The following DNTT variants were observed in gnomAD, a reference collection of about 807,000 sequenced individuals.
The protein encoded by DNTT is nucleosidetriphosphate:DNA deoxynucleotidylexotransferase.
In DNTT, 47 loss-of-function variants were observed where a neutral mutation model predicts 60.9. The ratio of observed to expected loss-of-function variants is 0.77; its 90% CI spans 0.61 to 0.98. The LOEUF (loss-of-function observed/expected upper bound fraction) is 0.98. Among genes scored for constraint, DNTT ranks in the 50% least tolerant of loss-of-function variants. DNTT has a pLI of 0.00. For synonymous variants in DNTT, 224 were observed against 221.2 expected (o/e 1.01, Z -0.11); for missense variants, 665 against 627.5 (o/e 1.06, Z -0.64).
At chr10:96,319,751 T>C (rs963194344) in intron 3 of DNTT, among the ~76,000 whole-genome samples, 2 of 152,216 alleles carry the variant, frequency 1.3e-5, no homozygotes, top group Admixed American at 6.5e-5. Context: ...ATGGTAACAA[T>C]ACATCAACAG....
intron 9 of DNTT, among the ~76,000 whole-genome samples, chr10:96,334,595 CTT>C (rs1463630309): frequency 1.3e-5 from 2 of 152,128 alleles, no homozygotes. Context: ...TGTCAGGTGT[CTT>C]TGCTTTGGAC....
intron 5 of DNTT, among the ~76,000 whole-genome samples, chr10:96,323,536 TCACTCATGG>T (rs1368846821): frequency 4.6e-5 from 7 of 152,076 alleles, no homozygotes; most frequent in Non-Finnish European, 8.8e-5. Flanking sequence ...CAAGAGTCTG[TCACTCATGG>T]GTACAAACAT....
chr10:96,312,183 G>T (rs1403095567), intron 1 of DNTT, among the ~76,000 whole-genome samples: 1 of 152,166 alleles, frequency 6.6e-6, no homozygotes, highest in Non-Finnish European at 1.5e-5. Context: ...AGGCTCGAGT[G>T]GGAGTCAAAT....
chr10:96,331,855 G>C (rs775986832), intron 8 of DNTT, among the ~76,000 whole-genome samples: 22 of 152,138 alleles, frequency 1.4e-4, no homozygotes, highest in Non-Finnish European at 3.1e-4. Context: ...ACAGCTTACT[G>C]AAGCCTCAAC....
chr10:96,325,834 A>G (rs2133991584), intron 6 of DNTT, among the ~76,000 whole-genome samples: 1 of 152,308 alleles, frequency 6.6e-6, no homozygotes, highest in African/African-American at 2.4e-5. Context: ...TATTGAAAGG[A>G]CAGTTCATGG....
At chr10:96,319,183 C>A in intron 2 of DNTT, 79 bp from the exon 3 acceptor site, 1 of 1,506,840 alleles carries the variant, frequency 6.6e-7, no homozygotes, top group South Asian at 1.4e-5. Flanking sequence ...CTACAGACAA[C>A]TACTTCCAAA....
intron 8 of DNTT, among the ~76,000 whole-genome samples, chr10:96,329,226 A>C (rs1054418790): frequency 1.3e-5 from 2 of 152,198 alleles, no homozygotes; most frequent in African/African-American, 4.8e-5. Context: ...TCAGTCTAAG[A>C]GGTGTTGATA....
At chr10:96,330,622 T>C (rs1844996461) in intron 8 of DNTT, among the ~76,000 whole-genome samples, 1 of 152,164 alleles carries the variant, frequency 6.6e-6, no homozygotes, top group African/African-American at 2.4e-5. Flanking sequence ...GTTCCCTCTA[T>C]TGAGGTCAAC....
chr10:96,328,971 A>T, intron 8 of DNTT, 141 bp downstream of exon 8: 1 of 811,044 alleles, frequency 1.2e-6, no homozygotes, highest in Non-Finnish European at 1.9e-6. Context: ...AAGCCATATG[A>T]CCTACAATAA....
At position 96,338,505 on chromosome 10, in the gene DNTT, C is replaced by A. The variant is rs1011993172; in HGVS notation, c.*281C>A. 2 of 259,598 alleles carry A rather than the reference C, an allele frequency of 7.7e-6. No individual in the cohort carries two copies. The highest frequency in any genetic ancestry group is 9.8e-5 in the Admixed American group (2 of 20,310). The allele number at this position is 259,598 out of a possible 1,614,324, so 16.1% of individuals were successfully genotyped here. A position where few individuals can be genotyped will look rare whatever the true frequency, so the allele number is the denominator to read the frequency against. ...TCATTCAGGGAAGCTCATCAAAGCC[C>A]ACTTTGTTCGCAGTGTAGCTGAAAT... On this transcript the variant is annotated 3_prime_UTR_variant, in exon 11 of 11. Coordinates refer to ENST00000371174, the MANE Select transcript of DNTT (RefSeq NM_004088.4).
chr10:96,321,752 T>A (rs1844883201), intron 4 of DNTT, among the ~76,000 whole-genome samples: 1 of 152,158 alleles, frequency 6.6e-6, no homozygotes, highest in East Asian at 1.9e-4. Context: ...GACCATCACC[T>A]GATGGTCGCC....
chr10:96,306,698 G>A (rs1231333670), intron 1 of DNTT: 1 of 152,248 alleles, frequency 6.6e-6, no homozygotes, highest in Non-Finnish European at 1.5e-5. Context: ...CAGGGACCAA[G>A]CCCAGCTGCT....
In DNTT at chr10:96,307,699, GTGTGTGTA is replaced by G. The variant is rs201015260; in HGVS notation, c.203+3001_203+3008del. ...AGCATATATATATGTATGTGTGTGTGTGTGTGTATATATATATATATATATATATATAT... is the reference window on the plus strand; with the variant it reads ...AGCATATATATATGTATGTGTGTGTGTATATATATATATATATATATATAT... On this transcript the variant is annotated intron_variant, in intron 1 of 10. Coordinates refer to ENST00000371174, the MANE Select transcript of DNTT (RefSeq NM_004088.4). 3.5e-4 allele frequency among the ~76,000 whole-genome samples: 24 copies of G among 68,906 alleles called. No individual in the cohort carries two copies. In the South Asian group the frequency reaches 7.0e-3, roughly 20 times the overall value. 45.2% of individuals were successfully genotyped at this position (68,906 alleles called of 152,430 possible). A position where few individuals can be genotyped will look rare whatever the true frequency, so the allele number is the denominator to read the frequency against.
In DNTT at chr10:96,338,206, G is replaced by A. The variant is rs373031210; in HGVS notation, c.1512G>A (p.Pro504=). The A allele has an allele frequency of 1.6e-5, 25 of 1,611,284 alleles. No homozygotes were observed. The highest frequency in any genetic ancestry group is 2.0e-5 in the Non-Finnish European group (24 of 1,179,292). The stretch of plus-strand genomic sequence containing the variant: ...ATCTGGGATTGGATTATATTGAACC[G>A]TGGGAAAGAAATGCCTAGGAAAGTG... The part of the protein sequence containing the change: ...FAHLGLDYIE[P]WERNA Residue 504 remains proline (P), a synonymous_variant, in exon 11 of 11, where the codon CCG becomes CCA. Transcript: ENST00000371174.
chr10:96,326,541 T>G (rs956782205), intron 6 of DNTT, among the ~76,000 whole-genome samples: 2 of 152,068 alleles, frequency 1.3e-5, no homozygotes, highest in Non-Finnish European at 2.9e-5. Context: ...CCTTCCACAA[T>G]CCCAGGGTGA....
Position 96,324,427 on chromosome 10 carries a change from C to G in DNTT, c.874+38C>G, listed in dbSNP as rs370574541. 43 of 1,610,224 alleles carry G rather than the reference C, an allele frequency of 2.7e-5. No homozygotes were observed. In the African/African-American group the frequency reaches 4.5e-4, roughly 17 times the overall value. ...TCCTAAAAGTCATTGTTGCTATGGG[C>G]TGGTCGGGTCGTGGTGGAGCTCTAA... is the stretch of plus-strand genomic sequence containing the variant. On this transcript the variant is annotated intron_variant, in intron 6 of 10. Transcript: ENST00000371174.
At chr10:96,335,755 G>A (rs1295878797) in intron 9 of DNTT, 136 bp from the exon 10 acceptor site, 2 of 923,916 alleles carry the variant, frequency 2.2e-6, no homozygotes, top group Middle Eastern at 3.2e-4. Context: ...TGTCACCAGA[G>A]AATTTGGCCC....
intron 3 of DNTT, among the ~76,000 whole-genome samples, chr10:96,319,864 TC>T (rs1187965236): frequency 6.6e-6 from 1 of 152,216 alleles, no homozygotes; most frequent in Non-Finnish European, 1.5e-5. Context: ...TGTCTCCTCA[TC>T]TATTCAAAAA....
intron 2 of DNTT, 149 bp from the exon 3 acceptor site, chr10:96,319,113 T>C (rs748169340): frequency 5.6e-5 from 44 of 780,608 alleles, no homozygotes; most frequent in Non-Finnish European, 7.4e-5. Context: ...TAATAGCAAG[T>C]TCAAATATTA....
Sources: allele counts gnomAD v4.1 joint callset (sites outside exome capture counted in the v4.1 genomes callset), GRCh38; gene constraint gnomAD v4.1.1; transcripts MANE v1.5; gene names NCBI Gene and HGNC (gene_info 2026-07-23, HGNC 2026-07-21).